Variants in CYP2J2 observed in about 807,000 individuals in gnomAD.
CYP2J2 encodes the protein cytochrome P450 family 2 subfamily J member 2, also known as cytochrome P450 2J2.
A neutral mutation model predicts 48.8 loss-of-function variants in CYP2J2; 41 were observed. The ratio of observed to expected loss-of-function variants is 0.84; its 90% CI spans 0.66 to 1.09. The LOEUF (loss-of-function observed/expected upper bound fraction) is 1.09, where lower values mean the gene tolerates loss of function less well. Ranked by LOEUF, CYP2J2 falls within the 50% of genes least tolerant of loss-of-function variation. CYP2J2 has a pLI of 0.00. For missense variants in CYP2J2, 644 were observed against 617.3 expected, an observed-to-expected ratio of 1.04 and a Z score of -0.46; for synonymous variants, 221 against 227.1, an observed-to-expected ratio of 0.97 and a Z score of 0.24.
chr1:59,930,578 A>G (rs72925832), upstream of CYP2J2, among the ~76,000 whole-genome samples: 250 of 152,168 alleles, frequency 1.6e-3, 1 homozygote, highest in African/African-American at 5.8e-3. Flanking sequence ...TTCTTTGCCA[A>G]TTTTTAATTG....
chr1:59,962,854 A>T, the CYP2J2 span, among the ~76,000 whole-genome samples: 9 of 152,178 alleles, frequency 5.9e-5, no homozygotes, highest in East Asian at 1.9e-4. Flanking sequence ...AAACAAACCA[A>T]TTATCCCATC....
chr1:59,941,220 A>G, the CYP2J2 span, among the ~76,000 whole-genome samples: 1 of 152,146 alleles, frequency 6.6e-6, no homozygotes, highest in African/African-American at 2.4e-5. Context: ...GCAGTCACAC[A>G]CTGCAAAATG....
At chr1:59,914,455 C>T (rs995050137) in intron 2 of CYP2J2, among the ~76,000 whole-genome samples, 2 of 152,174 alleles carry the variant, frequency 1.3e-5, no homozygotes, top group Non-Finnish European at 2.9e-5. Context: ...CCCTGAGATG[C>T]TGTTAATTTG....
chr1:59,934,989 G>GATATATATATATATATATATATATAC, the CYP2J2 span, among the ~76,000 whole-genome samples: 6 of 58,386 alleles, frequency 1.0e-4, no homozygotes, highest in Admixed American at 2.5e-4. Flanking sequence ...AAGAAAATGG[G>GATATATATATATATATATATATATAC]ATATATATAT....
intron 2 of CYP2J2, chr1:59,913,168 T>C (rs1411413098): frequency 1.3e-5 from 2 of 152,164 alleles, no homozygotes; most frequent in East Asian, 3.9e-4. Context: ...GATACCACTG[T>C]CTCCAGATTT....
At position 59,909,977 on chromosome 1, in the gene CYP2J2, A is replaced by C; in HGVS notation, c.685-17T>G. Reference sequence around the variant, plus strand: ...ATTGTAGAGCTAATTGAGAAAAACAAAACAATCATGCAGATAACATGGTGC... The same window carrying C: ...ATTGTAGAGCTAATTGAGAAAAACACAACAATCATGCAGATAACATGGTGC... On this transcript the variant is annotated splice_polypyrimidine_tract_variant and intron_variant, in intron 4 of 8. Coordinates refer to ENST00000371204, the MANE Select transcript of CYP2J2 (RefSeq NM_000775.4). 6.3e-7 allele frequency: 1 copy of C among 1,586,938 alleles called. No homozygotes were observed. The highest frequency in any genetic ancestry group is 8.6e-7 in the Non-Finnish European group (1 of 1,169,114).
chr1:59,924,287 C>T (rs941475387), intron 1 of CYP2J2, among the ~76,000 whole-genome samples: 4 of 152,002 alleles, frequency 2.6e-5, no homozygotes, highest in Non-Finnish European at 5.9e-5. Context: ...AGTACACCTG[C>T]ACTAAAAGAA....
the CYP2J2 span, among the ~76,000 whole-genome samples, chr1:59,939,982 C>T: frequency 1.3e-5 from 2 of 152,088 alleles, no homozygotes; most frequent in Non-Finnish European, 2.9e-5. Flanking sequence ...GCAGTGGGTT[C>T]CCTCCTGGGC....
At chr1:59,898,161 G>A (rs947643068) in intron 8 of CYP2J2, among the ~76,000 whole-genome samples, 2 of 152,180 alleles carry the variant, frequency 1.3e-5, no homozygotes, top group Non-Finnish European at 2.9e-5. Context: ...CGATGTCATA[G>A]CTCTTCCCAT....
At chr1:59,909,983 T>G (rs968449595) in intron 4 of CYP2J2, 23 bp from the exon 5 acceptor site, 1 of 1,576,054 alleles carries the variant, frequency 6.3e-7, no homozygotes, top group Non-Finnish European at 8.6e-7. Context: ...AACAAAACAA[T>G]CATGCAGATA....
chr1:59,952,564 C>T, the CYP2J2 span, among the ~76,000 whole-genome samples: 1 of 152,064 alleles, frequency 6.6e-6, no homozygotes, highest in Non-Finnish European at 1.5e-5. Context: ...AGAACCCTTC[C>T]CAGAAGGGGG....
chr1:59,925,028 T>C (rs919626850), intron 1 of CYP2J2, among the ~76,000 whole-genome samples: 2 of 152,060 alleles, frequency 1.3e-5, no homozygotes, highest in Non-Finnish European at 2.9e-5. Context: ...AAGTACAGTT[T>C]AGGCAAATAA....
In CYP2J2 at chr1:59,919,626, G is replaced by T. The variant is rs561512595; in HGVS notation, c.211-3526C>A. 5.9e-5 allele frequency among the ~76,000 whole-genome samples: 9 copies of T among 152,318 alleles called. No homozygotes were observed. The South Asian group carries it at 1.2e-3, about 21-fold the overall frequency. On this transcript the variant is annotated intron_variant, in intron 1 of 8. Coordinates refer to ENST00000371204, the MANE Select transcript of CYP2J2 (RefSeq NM_000775.4). ...AAATGGGAAATAAAGCTTTAAAACAGTGGTTCTTTACTTTTTTGAGTTATA... is the reference window on the plus strand; with the variant it reads ...AAATGGGAAATAAAGCTTTAAAACATTGGTTCTTTACTTTTTTGAGTTATA...
chr1:59,953,881 A>T, the CYP2J2 span, among the ~76,000 whole-genome samples: 1 of 152,108 alleles, frequency 6.6e-6, no homozygotes, highest in Non-Finnish European at 1.5e-5. Context: ...AAGGAGTGTG[A>T]TTTTATTTTA....
intron 7 of CYP2J2, among the ~76,000 whole-genome samples, chr1:59,902,711 G>A (rs952544065): frequency 3.3e-5 from 5 of 152,108 alleles, no homozygotes; most frequent in African/African-American, 4.8e-5. Context: ...CACCATGCCC[G>A]GCCAATAATT....
chr1:59,902,038 G>T (rs567317744), intron 7 of CYP2J2, among the ~76,000 whole-genome samples: 1 of 152,162 alleles, frequency 6.6e-6, no homozygotes, highest in South Asian at 2.1e-4. Flanking sequence ...CCCACTACAG[G>T]GCTCTTCTTT....
chr1:59,913,905 A>G (rs1395577678), intron 2 of CYP2J2, among the ~76,000 whole-genome samples: 1 of 152,234 alleles, frequency 6.6e-6, no homozygotes, highest in South Asian at 2.1e-4. Context: ...AGGAACCTGC[A>G]TGAACTATTC....
chr1:59,939,811 T>C, the CYP2J2 span, among the ~76,000 whole-genome samples: 2 of 152,000 alleles, frequency 1.3e-5, no homozygotes, highest in Non-Finnish European at 2.9e-5. Context: ...TTCCCATTTT[T>C]CCCTCCTATT....
intron 7 of CYP2J2, among the ~76,000 whole-genome samples, chr1:59,903,935 T>C (rs547284559): frequency 2.0e-5 from 3 of 152,306 alleles, no homozygotes; most frequent in South Asian, 2.1e-4. Flanking sequence ...TGAGTAAACT[T>C]ACTCTGAGAA....
Sources: allele counts gnomAD v4.1 joint callset (sites outside exome capture counted in the v4.1 genomes callset), GRCh38; gene constraint gnomAD v4.1.1; transcripts MANE v1.5; gene names NCBI Gene and HGNC (gene_info 2026-07-23, HGNC 2026-07-21).